Variants in PABPC4 observed in about 807,000 individuals in gnomAD.
PABPC4 encodes the protein polyadenylate-binding protein 4.
Under a neutral mutation model 74.5 loss-of-function variants are expected in PABPC4, and 15 were observed. The observed-to-expected ratio is 0.20, with a 90% CI of 0.13 to 0.31. PABPC4 has a LOEUF of 0.31. Ranked by LOEUF, PABPC4 falls within the 10% of genes least tolerant of loss-of-function variation. PABPC4 has a pLI of 1.00. For missense variants in PABPC4, 610 were observed against 853.5 expected (o/e 0.71, Z 3.55); for synonymous variants, 345 against 303.0 (o/e 1.14, Z -1.44).
chr1:39,568,680 T>C, intron 6 of PABPC4, 122 bp downstream of exon 6: 2 of 880,898 alleles, frequency 2.3e-6, no homozygotes, highest in Admixed American at 2.4e-5. Context: ...CTCATCTTTT[T>C]AGGTAAAATG....
At chr1:39,561,932 A>G in intron 14 of PABPC4, 141 bp downstream of exon 14, 5 of 1,159,456 alleles carry the variant, frequency 4.3e-6, no homozygotes, top group Non-Finnish European at 6.2e-6. Flanking sequence ...TACCCACTGC[A>G]GCCTCCAGTC....
intron 8 of PABPC4, 106 bp downstream of exon 8, chr1:39,565,000 T>C (rs1645815617): frequency 2.4e-6 from 3 of 1,245,036 alleles, no homozygotes; most frequent in Non-Finnish European, 3.4e-6. Context: ...AGGGTCCTTA[T>C]TGTGACATTC....
Position 39,564,660 on chromosome 1 carries a change from G to C in PABPC4, c.1333+26C>G, listed in dbSNP as rs137988118. The C allele has an allele frequency of 9.5e-4, 1,527 of 1,611,470 alleles. 1 individual carries two copies. Among genetic ancestry groups the C allele is most frequent in the Non-Finnish European group, 1.2e-3 (1,402 of 1,177,660 alleles). On this transcript the variant is annotated intron_variant, in intron 9 of 15. Coordinates refer to ENST00000372858, the MANE Select transcript of PABPC4 (RefSeq NM_001135653.2). ...GACCAGGACAGGTATATCCTGGGCT[G>C]TCAATTACTGTTCCCCACCACCTAC...
intron 12 of PABPC4, chr1:39,563,412 G>A (rs1351149785): frequency 6.7e-6 from 4 of 593,110 alleles, no homozygotes; most frequent in Non-Finnish European, 8.5e-6. Flanking sequence ...ATTTCTGAGT[G>A]AACTGGCATC....
intron 10 of PABPC4, 118 bp from the exon 11 acceptor site, chr1:39,564,040 C>G (rs1645799814): frequency 1.2e-6 from 1 of 846,350 alleles, no homozygotes; most frequent in Admixed American, 2.2e-5. Flanking sequence ...GGGGCCACTA[C>G]TACTTTCGAG....
At chr1:39,571,026 G>T in intron 3 of PABPC4, 1 of 1,435,702 alleles carries the variant, frequency 7.0e-7, no homozygotes, top group South Asian at 1.4e-5. Flanking sequence ...CGGCAGGCAG[G>T]CCATGGCTTG....
rs960182280 is a variant in PABPC4, at chr1:39,564,864, G to A, written c.1246-91C>T. The A allele has an allele frequency of 3.7e-6, 4 of 1,067,952 alleles. No individual in the cohort carries two copies. In the Admixed American group the frequency reaches 6.2e-5, roughly 17 times the overall value. The allele number at this position is 1,067,952 out of a possible 1,614,324, so 66.2% of individuals were successfully genotyped here. A position where few individuals can be genotyped will look rare whatever the true frequency, so the allele number is the denominator to read the frequency against. On this transcript the variant is annotated intron_variant, in intron 8 of 15. Transcript: ENST00000372858. ...TCTCATCTCACTAACCAGGACCTAA[G>A]CTAATTATTTAAATGTTCTTTCTAT...
At chr1:39,564,360 C>T (rs1299251297) in intron 10 of PABPC4, 63 bp downstream of exon 10, 1 of 1,588,820 alleles carries the variant, frequency 6.3e-7, no homozygotes, top group Admixed American at 1.7e-5. Context: ...CAACCCAGGA[C>T]AGAGCCTAGT....
chr1:39,564,806 T>G, intron 8 of PABPC4, 33 bp from the exon 9 acceptor site: 1 of 1,522,644 alleles, frequency 6.6e-7, no homozygotes, highest in Non-Finnish European at 9.1e-7. Flanking sequence ...AACACCCCCT[T>G]AAGGACTGAA....
chr1:39,571,520 G>A lies in PABPC4; in HGVS notation c.388-171C>T, dbSNP rs886881078. On this transcript the variant is annotated intron_variant, in intron 2 of 15. Transcript: ENST00000372858. ...GCACAGCACCAGGTGCCTAGTAAGT[G>A]TTCCATTTACAAAGGTAGCCCTACT... 65 of 657,338 alleles carry A rather than the reference G, an allele frequency of 9.9e-5. 2 individuals carry two copies. In the South Asian group the frequency reaches 1.2e-3, roughly 12 times the overall value. 40.7% of individuals were successfully genotyped at this position (657,338 alleles called of 1,614,324 possible).
intron 6 of PABPC4, chr1:39,568,587 G>A (rs905005324): frequency 4.4e-6 from 2 of 457,138 alleles, no homozygotes; most frequent in Non-Finnish European, 7.6e-6. Flanking sequence ...CCAAAATAGA[G>A]AGCTTCTTGA....
rs114752651 is a variant in PABPC4 at position 39,572,652 on chromosome 1, G to A, written c.194-66C>T. On this transcript the variant is annotated intron_variant, in intron 1 of 15. Coordinates refer to ENST00000372858, the MANE Select transcript of PABPC4 (RefSeq NM_001135653.2). ...CAGCTCCCACAGGCCAACAGCCTAA[G>A]AACAGATTACTCCAGGACTTTTCAA... The A allele has an allele frequency of 1.1e-3, 1,335 of 1,256,872 alleles. 12 individuals are homozygous for A. In the African/African-American group the frequency reaches 0.017, roughly 16 times the overall value. 77.9% of individuals were successfully genotyped at this position (1,256,872 alleles called of 1,614,324 possible). A position where few individuals can be genotyped will look rare whatever the true frequency, so the allele number is the denominator to read the frequency against.
chr1:39,563,753 A>G lies in PABPC4; in HGVS notation c.1541-12T>C. 1 of 1,613,970 alleles carries G rather than the reference A, an allele frequency of 6.2e-7. No individual in the cohort carries two copies. Among genetic ancestry groups the G allele is most frequent in the African/African-American group, 1.3e-5 (1 of 75,074 alleles). Reference sequence around the variant, plus strand: ...AGCTGTGGGAACGCCTTAGGGAAAGAACAAATACAATTAAAGCCCATCAGT... The same window carrying G: ...AGCTGTGGGAACGCCTTAGGGAAAGGACAAATACAATTAAAGCCCATCAGT... On this transcript the variant is annotated splice_polypyrimidine_tract_variant and intron_variant, in intron 11 of 15. Transcript: ENST00000372858.
At chr1:39,561,917 C>T in intron 14 of PABPC4, 130 bp from the exon 15 acceptor site, 5 of 1,170,160 alleles carry the variant, frequency 4.3e-6, no homozygotes, top group Non-Finnish European at 6.1e-6. Flanking sequence ...AACTACTTTC[C>T]CAAATACCCA....
chr1:39,563,808 TC>T (rs1557713661), intron 11 of PABPC4, 27 bp downstream of exon 11: 1 of 1,614,014 alleles, frequency 6.2e-7, no homozygotes. Context: ...ATCCCATCTT[TC>T]CCCCTTCTGT....
At chr1:39,562,012 A>G in intron 14 of PABPC4, 61 bp downstream of exon 14, 6 of 1,578,072 alleles carry the variant, frequency 3.8e-6, no homozygotes, top group Non-Finnish European at 5.2e-6. Flanking sequence ...TGGGCATCCA[A>G]GTTTGCCCCC....
At position 39,561,020 on chromosome 1, in the gene PABPC4, A is replaced by G. The variant is rs950704798; in HGVS notation, c.*116T>C. 1.2e-5 allele frequency: 5 copies of G among 407,242 alleles called. No homozygotes were observed. The highest frequency in any genetic ancestry group is 9.4e-5 in the Admixed American group (3 of 32,010). 25.2% of individuals were successfully genotyped at this position (407,242 alleles called of 1,614,324 possible). On this transcript the variant is annotated 3_prime_UTR_variant, in exon 16 of 16. Transcript: ENST00000372858. ...ACCTTTTGATACAAAATGACCTATT[A>G]AATTTGCAATTTGTAATCCTTGGTG...
chr1:39,570,518 TA>T (rs1283819732), intron 3 of PABPC4: 1 of 155,084 alleles, frequency 6.4e-6, no homozygotes, highest in Admixed American at 6.3e-5. Flanking sequence ...ACAGACATTA[TA>T]AAGATAACCC....
rs187644345 is a variant in PABPC4, at chr1:39,570,295, G to A, written c.504-293C>T. 1.5e-3 allele frequency among the ~76,000 whole-genome samples: 236 copies of A among 152,316 alleles called. 2 individuals are homozygous for A. The highest frequency in any genetic ancestry group is 5.3e-3 in the African/African-American group (220 of 41,568). On this transcript the variant is annotated intron_variant, in intron 3 of 15. Transcript: ENST00000372858. ...ATGTTTTTAAAATGTTCATTTCTGTGCAACTATGTAAATGCATAGAAAAGG... is the reference window on the plus strand; with the variant it reads ...ATGTTTTTAAAATGTTCATTTCTGTACAACTATGTAAATGCATAGAAAAGG...
Sources: allele counts gnomAD v4.1 joint callset (sites outside exome capture counted in the v4.1 genomes callset), GRCh38; gene constraint gnomAD v4.1.1; transcripts MANE v1.5; gene names NCBI Gene and HGNC (gene_info 2026-07-23, HGNC 2026-07-21).